Variants in HAS2 observed in about 807,000 individuals in gnomAD.
The protein encoded by HAS2 is hyaluronan synthase 2, also known as HA synthase 2.
In HAS2, 16 loss-of-function variants were observed where a neutral mutation model predicts 51.6. The observed-to-expected ratio is 0.31, with a 90% CI of 0.21 to 0.47. The LOEUF (loss-of-function observed/expected upper bound fraction) is 0.47, where lower values mean the gene tolerates loss of function less well. Ranked by LOEUF, HAS2 falls within the 20% of genes least tolerant of loss-of-function variation. HAS2 has a pLI of 1.00. For missense variants in HAS2, 361 were observed against 662.6 expected, an observed-to-expected ratio of 0.54 and a Z score of 5.00; for synonymous variants, 228 against 235.5, an observed-to-expected ratio of 0.97 and a Z score of 0.29.
chr8:121,626,226 T>G (rs749433436), intron 2 of HAS2, among the ~76,000 whole-genome samples: 1 of 152,176 alleles, frequency 6.6e-6, no homozygotes, highest in Non-Finnish European at 1.5e-5. Context: ...CTTTTGACTT[T>G]CTCTTTAGTA....
intron 2 of HAS2, among the ~76,000 whole-genome samples, chr8:121,628,439 G>A (rs1002490233): frequency 6.6e-6 from 1 of 151,638 alleles, no homozygotes. Flanking sequence ...AAGAGGGGGA[G>A]AGAAGGGAAG....
intron 2 of HAS2, among the ~76,000 whole-genome samples, chr8:121,627,598 A>G (rs1249390548): frequency 6.6e-6 from 1 of 152,202 alleles, no homozygotes; most frequent in Non-Finnish European, 1.5e-5. Flanking sequence ...CACTTGGAAC[A>G]CATTAATTTA....
intron 1 of HAS2, among the ~76,000 whole-genome samples, chr8:121,638,458 T>C (rs912705142): frequency 3.9e-5 from 6 of 152,198 alleles, no homozygotes; most frequent in African/African-American, 1.4e-4. Flanking sequence ...GCAACTCAGG[T>C]AATATGCATT....
At chr8:121,633,669 A>G (rs1245057618) in intron 1 of HAS2, among the ~76,000 whole-genome samples, 2 of 152,226 alleles carry the variant, frequency 1.3e-5, no homozygotes, top group East Asian at 1.9e-4. Context: ...ACCATAAAAA[A>G]GGCACTAGTG....
At chr8:121,630,843 T>C (rs973495018) in intron 1 of HAS2, among the ~76,000 whole-genome samples, 5 of 152,138 alleles carry the variant, frequency 3.3e-5, no homozygotes, top group African/African-American at 1.2e-4. Context: ...GTTGCTCAGC[T>C]CCAAGAGGCA....
chr8:121,630,457 A>G, intron 1 of HAS2, among the ~76,000 whole-genome samples: 1 of 151,726 alleles, frequency 6.6e-6, no homozygotes. Context: ...TCCAATGCTT[A>G]GCATTAAAGT....
At chr8:121,621,016 T>C (rs1217021744) in intron 2 of HAS2, among the ~76,000 whole-genome samples, 1 of 152,194 alleles carries the variant, frequency 6.6e-6, no homozygotes, top group Admixed American at 6.5e-5. Context: ...TTACTATTTA[T>C]GGCTGCTTTT....
chr8:121,629,437 C>G, intron 1 of HAS2, 97 bp from the exon 2 acceptor site: 1 of 1,003,634 alleles, frequency 1.0e-6, no homozygotes, highest in Non-Finnish European at 1.5e-6. Context: ...TAGAAGCATT[C>G]AGGAGTTTTA....
rs1210659636 is a variant in HAS2 at position 121,613,099 on chromosome 8, A to C, written c.*1010T>G. On this transcript the variant is annotated 3_prime_UTR_variant, in exon 4 of 4. Transcript: ENST00000303924. ...CTTTCCACTTGACTTGTTCTGGGAA[A>C]ACACTGCCAGAATCTCCAAAGATTA... is the stretch of plus-strand genomic sequence containing the variant. 1 of 152,194 alleles carries C rather than the reference A, an allele frequency of 6.6e-6. No individual in the cohort carries two copies. Among genetic ancestry groups the C allele is most frequent in the Non-Finnish European group, 1.5e-5 (1 of 68,028 alleles). The allele number at this position is 152,194 out of a possible 1,614,324, so 9.4% of individuals were successfully genotyped here.
chr8:121,621,736 A>G (rs1169292969), intron 2 of HAS2, among the ~76,000 whole-genome samples: 8 of 152,160 alleles, frequency 5.3e-5, no homozygotes, highest in Non-Finnish European at 1.2e-4. Flanking sequence ...ATCTCACAAC[A>G]ATCTAAATAA....
At chr8:121,625,675 ATTTTTTTTTTTTTT>A (rs934743239) in intron 2 of HAS2, among the ~76,000 whole-genome samples, 23 of 108,108 alleles carry the variant, frequency 2.1e-4, no homozygotes, top group South Asian at 2.1e-3. Flanking sequence ...AGTCCAGCTA[ATTTTTTTTTTTTTT>A]TTTTTTTTTT....
chr8:121,631,112 T>G (rs1812924085), intron 1 of HAS2, among the ~76,000 whole-genome samples: 1 of 152,108 alleles, frequency 6.6e-6, no homozygotes, highest in African/African-American at 2.4e-5. Flanking sequence ...ATACACATAT[T>G]AAAAATGTTT....
chr8:121,633,877 T>G (rs1183874109), intron 1 of HAS2, among the ~76,000 whole-genome samples: 1 of 151,926 alleles, frequency 6.6e-6, no homozygotes, highest in Non-Finnish European at 1.5e-5. Flanking sequence ...GAGAATTGAG[T>G]TCAATGGAGT....
In HAS2 at chr8:121,618,964, A is replaced by T. The variant is rs892950882; in HGVS notation, c.628-1758T>A. Among the ~76,000 whole-genome samples the T allele has an allele frequency of 1.9e-3, 284 of 145,918 alleles. 2 individuals carry two copies. Among genetic ancestry groups the T allele is most frequent in the Non-Finnish European group, 2.3e-3 (149 of 65,804 alleles). ...TGTTTGATATACCAGTTTTGAATTT[A>T]AAAAAAAAAAGGAAATTAACCAATT... On this transcript the variant is annotated intron_variant, in intron 2 of 3. Transcript: ENST00000303924.
At chr8:121,624,359 C>T (rs1322295625) in intron 2 of HAS2, among the ~76,000 whole-genome samples, 1 of 152,210 alleles carries the variant, frequency 6.6e-6, no homozygotes, top group African/African-American at 2.4e-5. Context: ...CAAAGCATCA[C>T]CTTGTCTGAC....
intron 1 of HAS2, among the ~76,000 whole-genome samples, chr8:121,634,650 T>C (rs1238438085): frequency 6.6e-6 from 1 of 151,928 alleles, no homozygotes; most frequent in East Asian, 1.9e-4. Flanking sequence ...AGGCAGTCAA[T>C]GTAGACTTAC....
intron 1 of HAS2, among the ~76,000 whole-genome samples, chr8:121,638,838 A>G (rs972374132): frequency 1.7e-4 from 26 of 152,312 alleles, no homozygotes; most frequent in African/African-American, 6.3e-4. Context: ...TTGGAAGGAA[A>G]TAAAAATTTG....
intron 1 of HAS2, chr8:121,639,458 G>C (rs981414627): frequency 2.0e-5 from 3 of 152,882 alleles, no homozygotes; most frequent in African/African-American, 7.2e-5. Context: ...GCTGCAGCTC[G>C]TTCGCCCCAG....
intron 1 of HAS2, among the ~76,000 whole-genome samples, chr8:121,634,189 C>T (rs916771662): frequency 3.3e-5 from 5 of 151,948 alleles, no homozygotes; most frequent in South Asian, 2.1e-4. Flanking sequence ...GTGATCCACC[C>T]GCCTCGGCCT....
Sources: allele counts gnomAD v4.1 joint callset (sites outside exome capture counted in the v4.1 genomes callset), GRCh38; gene constraint gnomAD v4.1.1; transcripts MANE v1.5; gene names NCBI Gene and HGNC (gene_info 2026-07-23, HGNC 2026-07-21).